XDH: variants seen among roughly 807,000 people sequenced by gnomAD.
XDH encodes xanthine dehydrogenase/oxidase.
XDH carries 138 observed loss-of-function variants against 156.1 expected under a neutral mutation model. The observed-to-expected ratio is 0.88, with a 90% CI of 0.77 to 1.02. The LOEUF (loss-of-function observed/expected upper bound fraction) is 1.02. Among genes scored for constraint, XDH ranks in the 50% least tolerant of loss-of-function variants. The pLI is 0.00. For synonymous variants in XDH, 669 were observed against 625.7 expected (o/e 1.07, Z -1.03); for missense variants, 1,849 against 1,684.9 (o/e 1.10, Z -1.71).
chr2:31,405,983 G>GA lies in XDH; in HGVS notation c.43-20dup, dbSNP rs1407707571. The GA allele has an allele frequency of 3.7e-6, 6 of 1,612,934 alleles. No individual in the cohort carries two copies. Among genetic ancestry groups the GA allele is most frequent in the Middle Eastern group, 3.3e-4 (2 of 6,060 alleles). On this transcript the variant is annotated intron_variant, in intron 1 of 35. Coordinates refer to ENST00000379416, the MANE Select transcript of XDH (RefSeq NM_000379.4). Reference sequence around the variant, plus strand: ...CCACCACCTATTAAAATAAATGAAAGAAAAATATATCATAGGTATACTTAG... The same window carrying GA: ...CCACCACCTATTAAAATAAATGAAAGAAAAAATATATCATAGGTATACTTAG...
intron 6 of XDH, among the ~76,000 whole-genome samples, chr2:31,394,926 T>G (rs898763592): frequency 3.3e-5 from 5 of 152,166 alleles, no homozygotes; most frequent in Non-Finnish European, 5.9e-5. Context: ...ATTATCCATC[T>G]GTTTTTGTAT....
chr2:31,371,796 T>C (rs947154040), intron 17 of XDH, among the ~76,000 whole-genome samples: 3 of 152,090 alleles, frequency 2.0e-5, no homozygotes, highest in Admixed American at 6.5e-5. Context: ...AAAAGACCAA[T>C]GACAAGGAAA....
At chr2:31,410,332 A>C (rs1443763913) in intron 1 of XDH, among the ~76,000 whole-genome samples, 1 of 152,200 alleles carries the variant, frequency 6.6e-6, no homozygotes, top group African/African-American at 2.4e-5. Flanking sequence ...GAATGTATGT[A>C]ATACCACTGA....
At chr2:31,374,790 CT>C (rs1276761702) in intron 15 of XDH, among the ~76,000 whole-genome samples, 1 of 152,050 alleles carries the variant, frequency 6.6e-6, no homozygotes, top group Non-Finnish European at 1.5e-5. Flanking sequence ...GAGCTGCCCC[CT>C]AGCACCTCAT....
rs1327768118 is a variant in XDH at position 31,386,523 on chromosome 2, T to G, written c.684A>C (p.Arg228=). 1 of 1,613,986 alleles carries G rather than the reference T, an allele frequency of 6.2e-7. No individual in the cohort carries two copies. Among genetic ancestry groups the G allele is most frequent in the Non-Finnish European group, 8.5e-7 (1 of 1,180,026 alleles). The change falls in exon 9 of 36, where the codon CGA becomes CGC. Residue 228 remains arginine (R), a synonymous_variant. Transcript: ENST00000379416. ...RLKDTPRKQL[R]FEGERVTWIQ... Reference sequence around the variant, plus strand: ...TCCACGTCACACGCTCCCCTTCAAATCGCAGCTGCTTCCGAGGAGTGTCTT... The same window carrying G: ...TCCACGTCACACGCTCCCCTTCAAAGCGCAGCTGCTTCCGAGGAGTGTCTT...
chr2:31,396,913 T>C (rs1686923655), intron 6 of XDH, among the ~76,000 whole-genome samples: 1 of 152,202 alleles, frequency 6.6e-6, no homozygotes, highest in Non-Finnish European at 1.5e-5. Flanking sequence ...TTTTTCATGA[T>C]GCTCCAACCC....
rs577497616 is a variant in XDH, at chr2:31,380,503, A to G, written c.1133-527T>C. Among the ~76,000 whole-genome samples, 52 of 152,328 alleles carry G rather than the reference A, an allele frequency of 3.4e-4. 1 individual carries two copies. Among genetic ancestry groups the G allele is most frequent in the Admixed American group, 2.2e-3 (33 of 15,302 alleles). On this transcript the variant is annotated intron_variant, in intron 12 of 35. Coordinates refer to ENST00000379416, the MANE Select transcript of XDH (RefSeq NM_000379.4). The stretch of plus-strand genomic sequence containing the variant: ...CCAGACTTTAGGCACATGCTAGTAG[A>G]GGCTGCCTATGTGATGAGCTCCCAA...
intron 34 of XDH, among the ~76,000 whole-genome samples, chr2:31,338,660 T>C (rs1199547459): frequency 6.6e-6 from 1 of 151,330 alleles, no homozygotes; most frequent in Non-Finnish European, 1.5e-5. Flanking sequence ...TTTTCATACT[T>C]ACTGCAGATA....
At chr2:31,401,983 A>G (rs1009402090) in intron 3 of XDH, among the ~76,000 whole-genome samples, 7 of 152,254 alleles carry the variant, frequency 4.6e-5, no homozygotes, top group African/African-American at 1.7e-4. Context: ...ACTGCAGTCA[A>G]CTGAGAAAAC....
At chr2:31,387,700 A>C (rs1287460492) in intron 8 of XDH, 111 bp downstream of exon 8, 2 of 1,064,056 alleles carry the variant, frequency 1.9e-6, no homozygotes, top group African/African-American at 3.2e-5. Context: ...TTTAAGCTGA[A>C]ACATAAAGGA....
At position 31,335,606 on chromosome 2, in the gene XDH, A is replaced by C. The variant is rs1684951723; in HGVS notation, c.*352T>G. 1 of 384,776 alleles carries C rather than the reference A, an allele frequency of 2.6e-6. No homozygotes were observed. The highest frequency in any genetic ancestry group is 3.9e-5 in the Admixed American group (1 of 25,652). The allele number at this position is 384,776 out of a possible 1,614,324, so 23.8% of individuals were successfully genotyped here. A position where few individuals can be genotyped will look rare whatever the true frequency, so the allele number is the denominator to read the frequency against. On this transcript the variant is annotated 3_prime_UTR_variant, in exon 36 of 36. Transcript: ENST00000379416. ...CTAGAGGTTTGTGGGAATCCTCTTCAAAGGACAGACACCATCAGAACTTGA... is the reference window on the plus strand; with the variant it reads ...CTAGAGGTTTGTGGGAATCCTCTTCCAAGGACAGACACCATCAGAACTTGA...
rs981116322 is a variant in XDH, at chr2:31,402,265, A to G, written c.197+783T>C. On this transcript the variant is annotated intron_variant, in intron 3 of 35. Coordinates refer to ENST00000379416, the MANE Select transcript of XDH (RefSeq NM_000379.4). ...ATAGACCAAGTAAGGCAATTGTATA[A>G]TTGTAACCAATCAAATAATTTCTTT... Among the ~76,000 whole-genome samples, 25 of 152,228 alleles carry G rather than the reference A, an allele frequency of 1.6e-4. 1 individual carries two copies. The highest frequency in any genetic ancestry group is 4.4e-5 in the Non-Finnish European group (3 of 68,044).
At chr2:31,356,069 A>C (rs75994329) in intron 24 of XDH, among the ~76,000 whole-genome samples, 2,370 of 152,310 alleles carry the variant, frequency 0.016, 61 homozygotes, top group African/African-American at 0.055. Flanking sequence ...TCCTCCCAAA[A>C]GACAGCAATA....
At chr2:31,367,570 G>T (rs985500835) in intron 20 of XDH, among the ~76,000 whole-genome samples, 1 of 152,200 alleles carries the variant, frequency 6.6e-6, no homozygotes. Flanking sequence ...GCAGGGCAAA[G>T]GGAAGAGGAG....
intron 24 of XDH, among the ~76,000 whole-genome samples, chr2:31,352,444 TACTC>T (rs1284055289): frequency 2.0e-5 from 3 of 152,210 alleles, no homozygotes; most frequent in Admixed American, 2.0e-4. Flanking sequence ...ATTTCAGTCT[TACTC>T]ATCCTAAATG....
chr2:31,403,634 G>T (rs1687120866), intron 2 of XDH, among the ~76,000 whole-genome samples: 1 of 152,150 alleles, frequency 6.6e-6, no homozygotes, highest in East Asian at 1.9e-4. Context: ...AAGTCCCCAA[G>T]AATCAAAATT....
chr2:31,372,579 C>T (rs1280086530), intron 16 of XDH, among the ~76,000 whole-genome samples, 182 bp from the exon 17 acceptor site: 1 of 152,170 alleles, frequency 6.6e-6, no homozygotes, highest in African/African-American at 2.4e-5. Context: ...AAGGGTGGTC[C>T]TAGTGTTGTT....
intron 6 of XDH, among the ~76,000 whole-genome samples, chr2:31,390,923 T>G (rs1686743699): frequency 6.6e-6 from 1 of 152,220 alleles, no homozygotes; most frequent in Admixed American, 6.5e-5. Context: ...ATGTGTCTTT[T>G]GCAAATATTT....
intron 10 of XDH, 88 bp from the exon 11 acceptor site, chr2:31,383,240 C>T: frequency 6.3e-7 from 1 of 1,597,392 alleles, no homozygotes; most frequent in Non-Finnish European, 8.6e-7. Context: ...TTTCCAGCAA[C>T]TGGAGCAAGG....
Sources: allele counts gnomAD v4.1 joint callset (sites outside exome capture counted in the v4.1 genomes callset), GRCh38; gene constraint gnomAD v4.1.1; transcripts MANE v1.5; gene names NCBI Gene and HGNC (gene_info 2026-07-23, HGNC 2026-07-21).